AGPAT3: variants seen among roughly 807,000 people sequenced by gnomAD.
The protein encoded by AGPAT3 is 1-acylglycerol-3-phosphate O-acyltransferase 3.
In AGPAT3, 5 loss-of-function variants were observed where a neutral mutation model predicts 47.3. The observed-to-expected ratio is 0.11, with a 90% CI of 0.06 to 0.22. The LOEUF (loss-of-function observed/expected upper bound fraction) is 0.22. Ranked by LOEUF, AGPAT3 falls within the 10% of genes least tolerant of loss-of-function variation. The pLI, the probability that AGPAT3 is intolerant of heterozygous loss-of-function variation, is 1.00. For synonymous variants in AGPAT3, 212 were observed against 208.3 expected, an observed-to-expected ratio of 1.02 and a Z score of -0.15; for missense variants, 315 against 493.0, an observed-to-expected ratio of 0.64 and a Z score of 3.42.
At position 43,981,236 on chromosome 21, in the gene AGPAT3, A is replaced by C; in HGVS notation, c.1042+49A>C. 6.3e-7 allele frequency: 1 copy of C among 1,595,854 alleles called. No homozygotes were observed. Among genetic ancestry groups the C allele is most frequent in the East Asian group, 2.2e-5 (1 of 44,768 alleles). On this transcript the variant is annotated intron_variant, in intron 9 of 9. Coordinates refer to ENST00000291572, the MANE Select transcript of AGPAT3 (RefSeq NM_020132.5). The surrounding 1 kb of genome is among the most constrained non-coding windows in gnomAD (Gnocchi z 5.3). ...CTCACACTCTGACGGGCCTCACAGT[A>C]TCAGCCACAGGGTCCGGGACCTGGT...
intron 2 of AGPAT3, among the ~76,000 whole-genome samples, chr21:43,910,358 A>G (rs978557867): frequency 2.6e-5 from 4 of 152,190 alleles, no homozygotes; most frequent in Non-Finnish European, 5.9e-5. Context: ...GGCCGCGCGT[A>G]TTGCCAGCAG....
At chr21:43,885,769 C>T (rs2085960749) in intron 1 of AGPAT3, among the ~76,000 whole-genome samples, 1 of 152,192 alleles carries the variant, frequency 6.6e-6, no homozygotes, top group African/African-American at 2.4e-5. Flanking sequence ...CCTGTGGAAG[C>T]CTGGAGTATA....
intron 3 of AGPAT3, chr21:43,965,949 T>C (rs1265620187): frequency 1.3e-5 from 2 of 152,072 alleles, no homozygotes; most frequent in African/African-American, 4.8e-5. Flanking sequence ...GGTTGAAAAA[T>C]AGGCTATGGC....
chr21:43,970,594 T>C lies in AGPAT3; in HGVS notation c.511-59T>C. The C allele has an allele frequency of 6.3e-7, 1 of 1,580,742 alleles. No individual in the cohort carries two copies. The highest frequency in any genetic ancestry group is 8.6e-7 in the Non-Finnish European group (1 of 1,159,592). ...GCCTGTCAGAGAGGCAGGCCTGGCC[T>C]GGACATGCACCCACCCCAGCTGCTC... is the stretch of plus-strand genomic sequence containing the variant. On this transcript the variant is annotated intron_variant, in intron 5 of 9. Coordinates refer to ENST00000291572, the MANE Select transcript of AGPAT3 (RefSeq NM_020132.5). The surrounding 1 kb of genome is among the most constrained non-coding windows in gnomAD (Gnocchi z 5.8).
Position 43,971,515 on chromosome 21 carries a change from G to A in AGPAT3, c.767+25G>A, listed in dbSNP as rs773175848. 1.2e-5 allele frequency: 20 copies of A among 1,609,142 alleles called. No individual in the cohort carries two copies. The Admixed American group carries it at 1.8e-4, about 15-fold the overall frequency. Reference sequence around the variant, plus strand: ...GGTGAGGCCAGACCCTGTGGCTCTCGCGCCGCCCCCCATACCTTCATGAGC... The same window carrying A: ...GGTGAGGCCAGACCCTGTGGCTCTCACGCCGCCCCCCATACCTTCATGAGC... On this transcript the variant is annotated intron_variant, in intron 7 of 9. Transcript: ENST00000291572.
chr21:43,894,697 T>C (rs1265334064), intron 1 of AGPAT3, among the ~76,000 whole-genome samples: 3 of 152,220 alleles, frequency 2.0e-5, no homozygotes, highest in African/African-American at 7.2e-5. Flanking sequence ...AGTGTTTATC[T>C]ATACCCACTA....
chr21:43,931,569 TG>T (rs1466474834), intron 2 of AGPAT3, among the ~76,000 whole-genome samples: 10 of 152,268 alleles, frequency 6.6e-5, no homozygotes, highest in Non-Finnish European at 1.5e-5. Context: ...AAAAGAGATG[TG>T]GAGGTAAAAA....
chr21:43,897,317 C>T (rs1048786784), intron 1 of AGPAT3, among the ~76,000 whole-genome samples: 4 of 152,152 alleles, frequency 2.6e-5, no homozygotes, highest in African/African-American at 9.7e-5. Flanking sequence ...AAGAATTTTT[C>T]TTAGTACAGA....
At position 43,971,461 on chromosome 21, in the gene AGPAT3, G is replaced by C. The variant is rs1163111808; in HGVS notation, c.738G>C (p.Gly246=). The change falls in exon 7 of 10, where the codon GGG becomes GGC. Residue 246 remains glycine (G), a synonymous_variant. Coordinates refer to ENST00000291572, the MANE Select transcript of AGPAT3 (RefSeq NM_020132.5). ...CGTCCCTGCTGGGGATCCTCTACGG[G>C]AAGAAGTACGAGGCGGACATGTGCG... ...KNPSLLGILY[G]KKYEADMCVR... 1.9e-6 allele frequency: 3 copies of C among 1,614,220 alleles called. No homozygotes were observed. Among genetic ancestry groups the C allele is most frequent in the Non-Finnish European group, 2.5e-6 (3 of 1,180,038 alleles).
intron 2 of AGPAT3, 122 bp downstream of exon 2, chr21:43,904,141 C>T (rs1360957671): frequency 6.6e-6 from 1 of 152,306 alleles, no homozygotes; most frequent in Non-Finnish European, 1.5e-5. Flanking sequence ...GGCCTTGATA[C>T]CTTGTTGATT....
At chr21:43,911,315 A>G (rs1257314289) in intron 2 of AGPAT3, among the ~76,000 whole-genome samples, 1 of 152,360 alleles carries the variant, frequency 6.6e-6, no homozygotes, top group East Asian at 1.9e-4. Flanking sequence ...TTACCTGATT[A>G]TCAGTCTACT....
intron 2 of AGPAT3, among the ~76,000 whole-genome samples, chr21:43,923,761 C>G (rs2086966537): frequency 6.6e-6 from 1 of 152,176 alleles, no homozygotes; most frequent in Non-Finnish European, 1.5e-5. Context: ...CCTGGGGGAT[C>G]CTGGGTACCA....
At chr21:43,903,057 A>G (rs1300499991) in intron 1 of AGPAT3, among the ~76,000 whole-genome samples, 1 of 152,188 alleles carries the variant, frequency 6.6e-6, no homozygotes, top group Non-Finnish European at 1.5e-5. Flanking sequence ...TAGTGTCTGT[A>G]GTGGAATATT....
intron 7 of AGPAT3, among the ~76,000 whole-genome samples, chr21:43,972,807 C>A (rs1041197627): frequency 6.6e-6 from 1 of 152,200 alleles, no homozygotes; most frequent in Admixed American, 6.5e-5. Flanking sequence ...AGAAACCGTG[C>A]GCTGGATGGC....
At chr21:43,888,071 C>G (rs746272777) in intron 1 of AGPAT3, among the ~76,000 whole-genome samples, 1 of 152,240 alleles carries the variant, frequency 6.6e-6, no homozygotes, top group Non-Finnish European at 1.5e-5. Context: ...GACAGAGTCT[C>G]ACTCTTTCAC....
At chr21:43,965,541 A>C (rs1366657065) in intron 3 of AGPAT3, 1 of 152,272 alleles carries the variant, frequency 6.6e-6, no homozygotes, top group Non-Finnish European at 1.5e-5. Flanking sequence ...AGCCTAAATC[A>C]ATGCGCACAG....
intron 3 of AGPAT3, among the ~76,000 whole-genome samples, chr21:43,963,491 C>T (rs1369669912): frequency 6.6e-6 from 1 of 152,052 alleles, no homozygotes; most frequent in African/African-American, 2.4e-5. Context: ...AGGAGGATCC[C>T]CTGAGGTCAG....
At chr21:43,907,218 C>T (rs997730230) in intron 2 of AGPAT3, among the ~76,000 whole-genome samples, 1 of 151,566 alleles carries the variant, frequency 6.6e-6, no homozygotes, top group Non-Finnish European at 1.5e-5. Context: ...TTGTAGAGAC[C>T]GGGTTTTGCC....
intron 1 of AGPAT3, among the ~76,000 whole-genome samples, chr21:43,869,989 G>T (rs955735070): frequency 2.4e-4 from 36 of 152,220 alleles, no homozygotes; most frequent in African/African-American, 8.2e-4. Flanking sequence ...TACAGGTGCT[G>T]CCACCACACG....
Sources: allele counts gnomAD v4.1 joint callset (sites outside exome capture counted in the v4.1 genomes callset), GRCh38; gene constraint gnomAD v4.1.1; non-coding constraint Gnocchi (gnomAD v3.1); transcripts MANE v1.5; gene names NCBI Gene and HGNC (gene_info 2026-07-23, HGNC 2026-07-21).